The following STK3 variants were observed in gnomAD, a reference collection of about 807,000 sequenced individuals.
The protein encoded by STK3 is serine/threonine-protein kinase 3.
In STK3, 41 loss-of-function variants were observed where a neutral mutation model predicts 58.0. That is an observed-to-expected ratio of 0.71 (90% CI 0.55 to 0.92). The LOEUF (loss-of-function observed/expected upper bound fraction) is 0.92, where lower values mean the gene tolerates loss of function less well. Among genes scored for constraint, STK3 ranks in the 40% least tolerant of loss-of-function variants. The pLI, the probability that STK3 is intolerant of heterozygous loss-of-function variation, is 0.00. For synonymous variants in STK3, 170 were observed against 191.0 expected (o/e 0.89, Z 0.91); for missense variants, 479 against 602.7 (o/e 0.79, Z 2.15).
intron 1 of STK3, among the ~76,000 whole-genome samples, chr8:98,448,000 G>GA (rs766748965): frequency 1.6e-3 from 214 of 134,080 alleles, no homozygotes; most frequent in Non-Finnish European, 1.8e-3. Flanking sequence ...AATATAAACT[G>GA]AAAAAAAAAA....
At chr8:98,613,337 C>CA (rs1485725327) in intron 6 of STK3, among the ~76,000 whole-genome samples, 1 of 151,574 alleles carries the variant, frequency 6.6e-6, no homozygotes, top group Non-Finnish European at 1.5e-5. Flanking sequence ...GACCAAGAGT[C>CA]AAAAAAATCA....
chr8:98,860,628 CA>C (rs1438598368), intron 3 of STK3, among the ~76,000 whole-genome samples: 3 of 152,066 alleles, frequency 2.0e-5, no homozygotes, highest in Admixed American at 1.3e-4. Flanking sequence ...CAAAGGAGAT[CA>C]ATTTTTTTTA....
chr8:98,737,045 G>A (rs1828654759), intron 4 of STK3, among the ~76,000 whole-genome samples: 1 of 152,086 alleles, frequency 6.6e-6, no homozygotes. Context: ...GGGTCCACTT[G>A]AGCACCAATC....
intron 9 of STK3, among the ~76,000 whole-genome samples, chr8:98,531,546 C>T (rs1399918133): frequency 6.6e-6 from 1 of 152,084 alleles, no homozygotes; most frequent in Non-Finnish European, 1.5e-5. Flanking sequence ...TTTTAAGGGC[C>T]CTAGGATTTT....
At chr8:98,765,596 A>G (rs1830894355) in intron 3 of STK3, among the ~76,000 whole-genome samples, 1 of 152,170 alleles carries the variant, frequency 6.6e-6, no homozygotes, top group Non-Finnish European at 1.5e-5. Flanking sequence ...GTTTCTGGGA[A>G]AGCCCCTTCC....
chr8:98,497,335 A>G (rs1823216057), intron 10 of STK3, among the ~76,000 whole-genome samples: 1 of 152,198 alleles, frequency 6.6e-6, no homozygotes, highest in African/African-American at 2.4e-5. Context: ...AGCTAAAACT[A>G]TAAGACTCTT....
At chr8:98,648,644 G>A (rs1199549357) in intron 6 of STK3, among the ~76,000 whole-genome samples, 1 of 152,144 alleles carries the variant, frequency 6.6e-6, no homozygotes, top group Non-Finnish European at 1.5e-5. Context: ...TGTAATCCCT[G>A]TACTTCGGGA....
intron 6 of STK3, among the ~76,000 whole-genome samples, chr8:98,610,679 A>G (rs1817124733): frequency 6.6e-6 from 1 of 152,206 alleles, no homozygotes; most frequent in Admixed American, 6.5e-5. Context: ...TTAAATGGGG[A>G]ATCCTGGGAT....
At chr8:98,854,987 G>A (rs1238252453) in intron 3 of STK3, among the ~76,000 whole-genome samples, 1 of 152,162 alleles carries the variant, frequency 6.6e-6, no homozygotes, top group East Asian at 1.9e-4. Context: ...GACCTGGTAG[G>A]CGGAGATTGC....
intron 1 of STK3, chr8:98,778,986 A>T (rs1438168977): frequency 6.6e-6 from 1 of 152,078 alleles, no homozygotes; most frequent in Non-Finnish European, 1.5e-5. Context: ...CATATGTAAC[A>T]AACCTGCACA....
chr8:98,606,372 T>C (rs1816777427), intron 6 of STK3: 1 of 152,200 alleles, frequency 6.6e-6, no homozygotes, highest in Non-Finnish European at 1.5e-5. Flanking sequence ...CAACACAACA[T>C]TTCTCTTTTG....
intron 3 of STK3, among the ~76,000 whole-genome samples, chr8:98,869,723 C>A (rs958717564): frequency 1.3e-5 from 2 of 151,688 alleles, no homozygotes; most frequent in African/African-American, 4.8e-5. Flanking sequence ...AATTTGAATC[C>A]ATTTATACAG....
intron 6 of STK3, among the ~76,000 whole-genome samples, chr8:98,652,185 T>C (rs1275683218): frequency 6.6e-6 from 1 of 152,174 alleles, no homozygotes; most frequent in Non-Finnish European, 1.5e-5. Flanking sequence ...TTCAAGATTA[T>C]TAAAGAAAAG....
At chr8:98,614,618 G>A (rs1041801427) in intron 6 of STK3, among the ~76,000 whole-genome samples, 33 of 152,322 alleles carry the variant, frequency 2.2e-4, no homozygotes, top group South Asian at 1.5e-3. Context: ...TGCGCGAGCC[G>A]AAGCAGGGCG....
chr8:98,469,564 A>G (rs2131216712), intron 10 of STK3, among the ~76,000 whole-genome samples: 1 of 152,304 alleles, frequency 6.6e-6, no homozygotes, highest in East Asian at 1.9e-4. Context: ...AGCACAAAGA[A>G]TGGCTGATCT....
the STK3 span, among the ~76,000 whole-genome samples, chr8:98,348,339 T>C: frequency 6.6e-6 from 1 of 151,612 alleles, no homozygotes; most frequent in Non-Finnish European, 1.5e-5. Context: ...AGAAAGAAAA[T>C]CTAGATGACC....
rs188988619 is a variant in STK3, at chr8:98,760,428, C to T, written c.236+6815G>A. Among the ~76,000 whole-genome samples the T allele has an allele frequency of 8.5e-3, 1,302 of 152,328 alleles. 9 individuals carry two copies. The highest frequency in any genetic ancestry group is 0.029 in the African/African-American group (1,226 of 41,572). On this transcript the variant is annotated intron_variant, in intron 3 of 10. Coordinates refer to ENST00000419617, the MANE Select transcript of STK3 (RefSeq NM_006281.4). The stretch of plus-strand genomic sequence containing the variant: ...GCACTGGAATTACAGGCGTGAGCCA[C>T]TGTGCCTGGCTAGTTTTGTCTCTTT...
chr8:98,840,158 C>T (rs1177827254), intron 3 of STK3, among the ~76,000 whole-genome samples: 2 of 151,800 alleles, frequency 1.3e-5, no homozygotes, highest in Non-Finnish European at 2.9e-5. Flanking sequence ...ACCAGCCTGG[C>T]CAACATGGTG....
chr8:98,854,591 A>G (rs1343513202), intron 3 of STK3, among the ~76,000 whole-genome samples: 1 of 152,226 alleles, frequency 6.6e-6, no homozygotes, highest in African/African-American at 2.4e-5. Context: ...TGCAATGATC[A>G]TTTAAAAATA....
Sources: allele counts gnomAD v4.1 joint callset (sites outside exome capture counted in the v4.1 genomes callset), GRCh38; gene constraint gnomAD v4.1.1; transcripts MANE v1.5; gene names NCBI Gene and HGNC (gene_info 2026-07-23, HGNC 2026-07-21).